Variants in CSGALNACT1 observed in about 807,000 individuals in gnomAD.
CSGALNACT1 encodes chondroitin sulfate N-acetylgalactosaminyltransferase 1, also known as beta4GalNAcT-1.
CSGALNACT1 carries 52 observed loss-of-function variants against 51.0 expected under a neutral mutation model. That is an observed-to-expected ratio of 1.02 (90% confidence interval 0.82 to 1.29). CSGALNACT1 has a LOEUF of 1.29. Among genes scored for constraint, CSGALNACT1 ranks in the 50% most tolerant of loss-of-function variants. CSGALNACT1 has a pLI of 0.00. For synonymous variants in CSGALNACT1, 341 were observed against 254.4 expected (o/e 1.34, Z -3.24); for missense variants, 935 against 679.2 (o/e 1.38, Z -4.19).
At chr8:19,636,090 C>T (rs1052791065) in intron 1 of CSGALNACT1, among the ~76,000 whole-genome samples, 2 of 152,140 alleles carry the variant, frequency 1.3e-5, no homozygotes, top group Non-Finnish European at 2.9e-5. Context: ...AACTATATGC[C>T]GTAGTCCCGC....
chr8:19,716,612 C>CAAAAAAAAAAAAAAA (rs60464594), intron 1 of CSGALNACT1, among the ~76,000 whole-genome samples: 1 of 41,992 alleles, frequency 2.4e-5, no homozygotes, highest in Non-Finnish European at 4.2e-5. Flanking sequence ...ACCCTCTCTA[C>CAAAAAAAAAAAAAAA]AAAAAAAAAA....
At position 19,524,767 on chromosome 8, in the gene CSGALNACT1, G is replaced by T. The variant is rs531645339; in HGVS notation, c.-296-18637C>A. ...AGGACTGGGACCATTGATTGCCTAA[G>T]CCCCCAAGATGTTTATTTCCAGCTT... On this transcript the variant is annotated intron_variant, in intron 3 of 9. Transcript: ENST00000454498. Among the ~76,000 whole-genome samples the T allele has an allele frequency of 1.5e-3, 221 of 152,256 alleles. 1 individual carries two copies. Among genetic ancestry groups the T allele is most frequent in the African/African-American group, 5.2e-3 (214 of 41,540 alleles).
At chr8:19,678,219 CT>C (rs1379407656) in intron 1 of CSGALNACT1, among the ~76,000 whole-genome samples, 1 of 152,090 alleles carries the variant, frequency 6.6e-6, no homozygotes, top group Admixed American at 6.5e-5. Flanking sequence ...CACTATTAAC[CT>C]TAACACTCAG....
intron 6 of CSGALNACT1, among the ~76,000 whole-genome samples, chr8:19,434,247 C>T (rs1465062150): frequency 6.6e-6 from 1 of 152,108 alleles, no homozygotes; most frequent in Non-Finnish European, 1.5e-5. Context: ...CATTCTATTC[C>T]ACTGCATGCA....
intron 1 of CSGALNACT1, among the ~76,000 whole-genome samples, chr8:19,626,990 T>G (rs900476672): frequency 6.6e-6 from 1 of 152,268 alleles, no homozygotes; most frequent in African/African-American, 2.4e-5. Context: ...CGGAAACAAT[T>G]TGACAGTTTT....
intron 4 of CSGALNACT1, among the ~76,000 whole-genome samples, chr8:19,483,775 C>A (rs1159845224): frequency 1.3e-5 from 2 of 152,180 alleles, no homozygotes; most frequent in Non-Finnish European, 2.9e-5. Context: ...TTGTTTCAAC[C>A]ATGTCTGACG....
intron 3 of CSGALNACT1, among the ~76,000 whole-genome samples, chr8:19,530,116 G>A (rs2082448621): frequency 6.6e-6 from 1 of 152,020 alleles, no homozygotes; most frequent in Admixed American, 6.6e-5. Flanking sequence ...CAGCTACTCG[G>A]GGGCTGAGGC....
chr8:19,598,547 A>G (rs2049478705), intron 2 of CSGALNACT1, among the ~76,000 whole-genome samples: 1 of 152,230 alleles, frequency 6.6e-6, no homozygotes, highest in Admixed American at 6.5e-5. Flanking sequence ...ATTATTATTT[A>G]CTTATAACAT....
At chr8:19,737,453 T>C (rs1481035615) in intron 1 of CSGALNACT1, among the ~76,000 whole-genome samples, 1 of 152,108 alleles carries the variant, frequency 6.6e-6, no homozygotes, top group Admixed American at 6.5e-5. Context: ...ATACTTTCTT[T>C]TAGGAAAAAG....
intron 1 of CSGALNACT1, among the ~76,000 whole-genome samples, chr8:19,726,040 G>A (rs1481184433): frequency 1.3e-5 from 2 of 152,028 alleles, no homozygotes; most frequent in Admixed American, 6.6e-5. Context: ...GTGTTCTGAA[G>A]GCTTAAATTT....
intron 3 of CSGALNACT1, among the ~76,000 whole-genome samples, chr8:19,510,885 G>A (rs1308417133): frequency 2.0e-5 from 3 of 152,202 alleles, no homozygotes; most frequent in African/African-American, 2.4e-5. Context: ...AGACTTAAAC[G>A]AAATGTGGCC....
At chr8:19,409,274 A>G (rs1662389469) in intron 8 of CSGALNACT1, among the ~76,000 whole-genome samples, 1 of 152,178 alleles carries the variant, frequency 6.6e-6, no homozygotes. Flanking sequence ...CTTGCTGAGG[A>G]AAAGGGCACT....
intron 1 of CSGALNACT1, among the ~76,000 whole-genome samples, chr8:19,689,824 T>C (rs888209363): frequency 6.6e-6 from 1 of 152,228 alleles, no homozygotes; most frequent in East Asian, 1.9e-4. Context: ...AGAAGTCCCC[T>C]GTGCTTGAAC....
chr8:19,637,585 G>T (rs184869264), intron 1 of CSGALNACT1, among the ~76,000 whole-genome samples: 2 of 152,266 alleles, frequency 1.3e-5, no homozygotes, highest in African/African-American at 4.8e-5. Flanking sequence ...GGGAAAGTAA[G>T]CCTCCAGATA....
intron 1 of CSGALNACT1, among the ~76,000 whole-genome samples, chr8:19,747,905 G>T (rs948775675): frequency 6.6e-6 from 1 of 152,136 alleles, no homozygotes; most frequent in African/African-American, 2.4e-5. Context: ...AAATAAATGG[G>T]CCATAAGTTT....
intron 3 of CSGALNACT1, among the ~76,000 whole-genome samples, chr8:19,544,151 C>T (rs1428033158): frequency 6.6e-6 from 1 of 151,648 alleles, no homozygotes; most frequent in Non-Finnish European, 1.5e-5. Flanking sequence ...ACCACAAGGA[C>T]ATGGCTGTCA....
At chr8:19,746,649 A>C (rs2064682427) in intron 1 of CSGALNACT1, among the ~76,000 whole-genome samples, 1 of 152,152 alleles carries the variant, frequency 6.6e-6, no homozygotes, top group Non-Finnish European at 1.5e-5. Flanking sequence ...ATTTCTGTTG[A>C]TATATTTTTG....
chr8:19,646,188 AT>A (rs1197211498), intron 1 of CSGALNACT1, among the ~76,000 whole-genome samples: 1 of 152,210 alleles, frequency 6.6e-6, no homozygotes, highest in African/African-American at 2.4e-5. Flanking sequence ...CAAGAGAAAA[AT>A]ACTAGAAATA....
intron 9 of CSGALNACT1, among the ~76,000 whole-genome samples, chr8:19,406,506 T>G (rs763012482): frequency 2.0e-5 from 3 of 151,184 alleles, no homozygotes; most frequent in Admixed American, 1.3e-4. Flanking sequence ...TGATAAATAA[T>G]TGAAATGATG....
Sources: gnomAD v4.1 joint callset for allele counts (sites outside exome capture counted in the v4.1 genomes callset) on GRCh38, gnomAD v4.1.1 for gene constraint, MANE v1.5 for transcripts, NCBI Gene and HGNC (gene_info 2026-07-23, HGNC 2026-07-21) for gene names.